The following ST8SIA2 variants were observed in gnomAD, a reference collection of about 807,000 sequenced individuals.
ST8SIA2 encodes the protein ST8 alpha-N-acetyl-neuraminide alpha-2,8-sialyltransferase 2, also known as alpha-2,8-sialyltransferase 8B.
ST8SIA2 carries 22 observed loss-of-function variants against 37.6 expected under a neutral mutation model. The ratio of observed to expected loss-of-function variants is 0.58; its 90% CI spans 0.42 to 0.83. The LOEUF is 0.83. Ranked by LOEUF, ST8SIA2 falls within the 40% of genes least tolerant of loss-of-function variation. The probability of loss-of-function intolerance (pLI) is 0.00; values close to 1 mark genes in which losing one functional copy is unlikely to be tolerated. For synonymous variants in ST8SIA2, 205 were observed against 201.2 expected (o/e 1.02, Z -0.16); for missense variants, 382 against 484.7 (o/e 0.79, Z 1.99).
chr15:92,398,957 G>A (rs916894020), intron 1 of ST8SIA2, among the ~76,000 whole-genome samples: 1 of 152,242 alleles, frequency 6.6e-6, no homozygotes, highest in Non-Finnish European at 1.5e-5. Context: ...AAAGACAGAA[G>A]GTGAATGAGG....
intron 1 of ST8SIA2, chr15:92,421,328 G>A (rs2049632257): frequency 6.6e-6 from 1 of 152,194 alleles, no homozygotes; most frequent in Admixed American, 6.5e-5. Context: ...GTGAGGACAA[G>A]GGGTGTTTTG....
intron 1 of ST8SIA2, among the ~76,000 whole-genome samples, chr15:92,419,690 T>C (rs1225041800): frequency 6.6e-6 from 1 of 152,184 alleles, no homozygotes; most frequent in Non-Finnish European, 1.5e-5. Context: ...AAAGGCTCTA[T>C]AGCCATGAGC....
At chr15:92,421,620 C>T (rs1194099026) in intron 1 of ST8SIA2, among the ~76,000 whole-genome samples, 1 of 152,160 alleles carries the variant, frequency 6.6e-6, no homozygotes, top group African/African-American at 2.4e-5. Context: ...ACTCAAAGAT[C>T]ATACAGATAA....
chr15:92,434,906 G>C (rs1306704255), intron 3 of ST8SIA2, among the ~76,000 whole-genome samples: 1 of 114,066 alleles, frequency 8.8e-6, no homozygotes, highest in Admixed American at 9.7e-5. Flanking sequence ...CGACCAGAAA[G>C]CAGAGGTCTG....
At chr15:92,445,990 T>A (rs2049839737) in intron 5 of ST8SIA2, among the ~76,000 whole-genome samples, 1 of 152,222 alleles carries the variant, frequency 6.6e-6, no homozygotes, top group South Asian at 2.1e-4. Flanking sequence ...TAGTTTAATA[T>A]TAATCATTCA....
intron 1 of ST8SIA2, among the ~76,000 whole-genome samples, chr15:92,425,026 T>C (rs1258866814): frequency 6.6e-6 from 1 of 152,158 alleles, no homozygotes; most frequent in Non-Finnish European, 1.5e-5. Context: ...GCAAAAAGTA[T>C]CCCCATATGT....
At chr15:92,408,214 G>A (rs1473506369) in intron 1 of ST8SIA2, among the ~76,000 whole-genome samples, 1 of 150,956 alleles carries the variant, frequency 6.6e-6, no homozygotes, top group East Asian at 2.0e-4. Context: ...TCCAAGAGAG[G>A]GTGGTCCCAC....
Position 92,420,005 on chromosome 15 carries a change from A to C in ST8SIA2, c.99-10044A>C, listed in dbSNP as rs561026717. 1.1e-4 allele frequency among the ~76,000 whole-genome samples: 17 copies of C among 152,312 alleles called. No homozygotes were observed. The East Asian group carries it at 3.3e-3, about 29-fold the overall frequency. On this transcript the variant is annotated intron_variant, in intron 1 of 5. Transcript: ENST00000268164. ...CTCAGCCTCCGGAGTAGCTAGGATT[A>C]CAGGCGTGCACCACCACGCCCAGCT...
chr15:92,431,873 G>A (rs2049718286), intron 2 of ST8SIA2, among the ~76,000 whole-genome samples: 1 of 152,200 alleles, frequency 6.6e-6, no homozygotes, highest in Non-Finnish European at 1.5e-5. Flanking sequence ...GGGCTATGCA[G>A]GATGCCATCC....
chr15:92,464,867 C>A lies in ST8SIA2; in HGVS notation c.*482C>A. ...CCCAGTCTAAAGTGGGTGCCATTCACGGAGGAGAGGGAGGTTGGAGACTTC... is the reference window on the plus strand; with the variant it reads ...CCCAGTCTAAAGTGGGTGCCATTCAAGGAGGAGAGGGAGGTTGGAGACTTC... On this transcript the variant is annotated 3_prime_UTR_variant, in exon 6 of 6. Coordinates refer to ENST00000268164, the MANE Select transcript of ST8SIA2 (RefSeq NM_006011.4). 5.7e-6 allele frequency: 1 copy of A among 174,746 alleles called. No individual in the cohort carries two copies. The highest frequency in any genetic ancestry group is 5.6e-5 in the Admixed American group (1 of 17,972). 10.8% of individuals were successfully genotyped at this position (174,746 alleles called of 1,614,324 possible). A position where few individuals can be genotyped will look rare whatever the true frequency, so the allele number is the denominator to read the frequency against.
At chr15:92,449,314 G>T (rs575349356) in intron 5 of ST8SIA2, among the ~76,000 whole-genome samples, 1 of 152,240 alleles carries the variant, frequency 6.6e-6, no homozygotes, top group African/African-American at 2.4e-5. Context: ...AGATCATCAG[G>T]GACAGTTACT....
At chr15:92,459,851 CAA>C (rs1374354696) in intron 5 of ST8SIA2, among the ~76,000 whole-genome samples, 1 of 152,186 alleles carries the variant, frequency 6.6e-6, no homozygotes, top group African/African-American at 2.4e-5. Context: ...CTCAGCCTCT[CAA>C]AGTAAAATTT....
intron 1 of ST8SIA2, among the ~76,000 whole-genome samples, chr15:92,414,859 C>A (rs2049575586): frequency 6.6e-6 from 1 of 152,238 alleles, no homozygotes; most frequent in African/African-American, 2.4e-5. Context: ...ATTTCCCATG[C>A]CCTAAGTCAA....
At chr15:92,413,295 TA>T (rs910045285) in intron 1 of ST8SIA2, among the ~76,000 whole-genome samples, 42 of 152,188 alleles carry the variant, frequency 2.8e-4, no homozygotes, top group Admixed American at 2.1e-3. Flanking sequence ...GTAATTACAT[TA>T]AAATGAAAAT....
At chr15:92,420,291 T>A (rs775716784) in intron 1 of ST8SIA2, among the ~76,000 whole-genome samples, 3 of 152,220 alleles carry the variant, frequency 2.0e-5, no homozygotes, top group Non-Finnish European at 2.9e-5. Flanking sequence ...ACTTGGATGA[T>A]AAGTTATATT....
intron 1 of ST8SIA2, among the ~76,000 whole-genome samples, chr15:92,401,634 A>C (rs11074066): frequency 0.58 from 87,520 of 152,012 alleles, 25,378 homozygotes; most frequent in Middle Eastern, 0.65. Context: ...TCCAGCATCC[A>C]GCCTCGCTGT....
rs1446826655 is a variant in ST8SIA2, at chr15:92,430,063, G to A, written c.113G>A (p.Arg38Lys). 6.2e-7 allele frequency: 1 copy of A among 1,614,210 alleles called. No homozygotes were observed. The highest frequency in any genetic ancestry group is 2.2e-5 in the East Asian group (1 of 44,888). The change falls in exon 2 of 6, where the codon AGA (arginine) becomes AAA (lysine). Residue 38 changes from arginine (R) to lysine (K), a missense_variant. Coordinates refer to ENST00000268164, the MANE Select transcript of ST8SIA2 (RefSeq NM_006011.4). ...IEEEIGNSGGRGTIRSAVNSL... is the reference protein window; with the variant it reads ...IEEEIGNSGGKGTIRSAVNSL... The stretch of plus-strand genomic sequence containing the variant: ...TTGTCTTGCAGGAATTCGGGAGGCA[G>A]AGGTACAATCAGATCAGCTGTGAAC...
chr15:92,427,190 G>A (rs1335543975), intron 1 of ST8SIA2, among the ~76,000 whole-genome samples: 3 of 148,226 alleles, frequency 2.0e-5, no homozygotes, highest in African/African-American at 5.0e-5. Context: ...ATCATGTTAC[G>A]CATAGTATAT....
chr15:92,403,846 C>T (rs1214974861), intron 1 of ST8SIA2, among the ~76,000 whole-genome samples: 1 of 152,188 alleles, frequency 6.6e-6, no homozygotes, highest in African/African-American at 2.4e-5. Context: ...CTAATCAAAA[C>T]ATTTAGTTCC....
Sources: gnomAD v4.1 joint callset for allele counts (sites outside exome capture counted in the v4.1 genomes callset) on GRCh38, gnomAD v4.1.1 for gene constraint, MANE v1.5 for transcripts, NCBI Gene and HGNC (gene_info 2026-07-23, HGNC 2026-07-21) for gene names.